Variants in ADGRE5 observed in about 807,000 individuals in gnomAD.
ADGRE5 encodes the protein adhesion G protein-coupled receptor E5.
ADGRE5 carries 72 observed loss-of-function variants against 100.3 expected under a neutral mutation model. That is an observed-to-expected ratio of 0.72 (90% CI 0.59 to 0.87). ADGRE5 has a LOEUF of 0.87. Among genes scored for constraint, ADGRE5 ranks in the 40% least tolerant of loss-of-function variants. ADGRE5 has a pLI of 0.00. For synonymous variants in ADGRE5, 439 were observed against 447.8 expected (o/e 0.98, Z 0.25); for missense variants, 959 against 1,094.7 (o/e 0.88, Z 1.75).
At chr19:14,391,672 G>GGCT (rs1163653799) in intron 4 of ADGRE5, among the ~76,000 whole-genome samples, 1 of 152,102 alleles carries the variant, frequency 6.6e-6, no homozygotes, top group African/African-American at 2.4e-5. Context: ...GGGAGGTCAA[G>GGCT]GCTGCAGTGA....
At chr19:14,403,967 C>A (rs1976115249) in intron 12 of ADGRE5, among the ~76,000 whole-genome samples, 1 of 150,564 alleles carries the variant, frequency 6.6e-6, no homozygotes, top group Admixed American at 6.7e-5. Context: ...ACCTCCACCT[C>A]CCAGGTTCAA....
intron 4 of ADGRE5, among the ~76,000 whole-genome samples, chr19:14,392,825 C>T (rs1413447217): frequency 4.6e-5 from 7 of 151,784 alleles, no homozygotes; most frequent in Non-Finnish European, 1.0e-4. Context: ...ATCGCTTGAA[C>T]CTGAAAGGCA....
rs149607954 is a variant in ADGRE5, at chr19:14,387,349, G to T, written c.23-1101G>T. ...TCCACCCTCAAGCCGAGCTCGGGAG[G>T]CTGAGGCGGGGAGGATCGCTTGAGG... On this transcript the variant is annotated intron_variant, in intron 1 of 19. Coordinates refer to ENST00000242786, the MANE Select transcript of ADGRE5 (RefSeq NM_078481.4). Among the ~76,000 whole-genome samples the T allele has an allele frequency of 7.4e-4, 113 of 152,236 alleles. 2 individuals carry two copies. Among genetic ancestry groups the T allele is most frequent in the African/African-American group, 2.6e-3 (110 of 41,528 alleles).
intron 9 of ADGRE5, among the ~76,000 whole-genome samples, chr19:14,400,955 CAA>C (rs201175207): frequency 1.1e-4 from 17 of 148,790 alleles, no homozygotes; most frequent in African/African-American, 4.2e-4. Flanking sequence ...CAAAACAAAA[CAA>C]AAAAAAAATT....
chr19:14,405,964 T>A (rs1162799782), intron 14 of ADGRE5, 25 bp downstream of exon 14: 3 of 1,588,400 alleles, frequency 1.9e-6, no homozygotes, highest in South Asian at 2.2e-5. Flanking sequence ...CGCTCCCTCC[T>A]GAGCTCTGGG....
intron 1 of ADGRE5, among the ~76,000 whole-genome samples, chr19:14,384,252 TG>T (rs1413816693): frequency 6.6e-6 from 1 of 151,060 alleles, no homozygotes; most frequent in African/African-American, 2.4e-5. Flanking sequence ...GAGGTGGGAG[TG>T]GGGATCTCTG....
chr19:14,408,544 A>C lies in ADGRE5; in HGVS notation c.*423A>C, dbSNP rs1976387269. ...TCCCTCTTAAGCTAAGACTGATGTC[A>C]GAGGCCCCATGGCGAGGCCCCTTGG... On this transcript the variant is annotated 3_prime_UTR_variant, in exon 20 of 20. Transcript: ENST00000242786. The C allele has an allele frequency of 7.0e-6, 3 of 430,692 alleles. No homozygotes were observed. The East Asian group carries it at 1.1e-4, about 16-fold the overall frequency. The allele number at this position is 430,692 out of a possible 1,614,324, so 26.7% of individuals were successfully genotyped here. A position where few individuals can be genotyped will look rare whatever the true frequency, so the allele number is the denominator to read the frequency against.
At chr19:14,392,520 A>G (rs1162541897) in intron 4 of ADGRE5, among the ~76,000 whole-genome samples, 2 of 152,156 alleles carry the variant, frequency 1.3e-5, no homozygotes, top group Non-Finnish European at 2.9e-5. Flanking sequence ...TTTGTTAAAT[A>G]TAGACCTTGG....
intron 1 of ADGRE5, among the ~76,000 whole-genome samples, chr19:14,385,814 A>G (rs1461687712): frequency 6.7e-6 from 1 of 148,682 alleles, no homozygotes; most frequent in African/African-American, 2.5e-5. Flanking sequence ...TCTGTCACTC[A>G]GGCTGGAGTG....
chr19:14,389,445 G>C, intron 3 of ADGRE5, among the ~76,000 whole-genome samples: 1 of 144,566 alleles, frequency 6.9e-6, no homozygotes, highest in Non-Finnish European at 1.5e-5. Context: ...GGGAGGGAGA[G>C]AGATAGGCCC....
Position 14,391,553 on chromosome 19 carries a change from A to C in ADGRE5, c.346+474A>C, listed in dbSNP as rs916552684. On this transcript the variant is annotated intron_variant, in intron 4 of 19. Coordinates refer to ENST00000242786, the MANE Select transcript of ADGRE5 (RefSeq NM_078481.4). ...AGCATGAGCAAGCGGGTGAAACCCC[A>C]TCTCTACAAAAAATACCAAAAAAAA... is the stretch of plus-strand genomic sequence containing the variant. The C allele has an allele frequency of 3.2e-5, 5 of 154,258 alleles. No individual in the cohort carries two copies. In the East Asian group the frequency reaches 7.6e-4, roughly 23 times the overall value. 9.6% of individuals were successfully genotyped at this position (154,258 alleles called of 1,614,324 possible).
rs1229705187 is a variant in ADGRE5, at chr19:14,406,322, G to A, written c.1822-9G>A. On this transcript the variant is annotated splice_polypyrimidine_tract_variant and intron_variant, in intron 14 of 19. Coordinates refer to ENST00000242786, the MANE Select transcript of ADGRE5 (RefSeq NM_078481.4). The surrounding 1 kb of genome is among the most constrained non-coding windows in gnomAD (Gnocchi z 6.0). ...GACGTCGCTCCGCCCCTCCGTCCCC[G>A]CCCCGCAGGTGGGGCTGCGCTGCCG... 1.9e-6 allele frequency: 3 copies of A among 1,547,932 alleles called. No individual in the cohort carries two copies. Among genetic ancestry groups the A allele is most frequent in the Non-Finnish European group, 2.6e-6 (3 of 1,149,120 alleles).
rs768043542 is a variant in ADGRE5, at chr19:14,408,276, C to T, written c.*155C>T. On this transcript the variant is annotated 3_prime_UTR_variant, in exon 20 of 20. Coordinates refer to ENST00000242786, the MANE Select transcript of ADGRE5 (RefSeq NM_078481.4). ...GGAGGGAGTGGCAGCTATAGTCTGG[C>T]ACCAAAGTCCAGGACACCCAGTGGG... 5.9e-4 allele frequency: 495 copies of T among 845,576 alleles called. 1 individual carries two copies. The highest frequency in any genetic ancestry group is 8.7e-4 in the Non-Finnish European group (457 of 523,562). 52.4% of individuals were successfully genotyped at this position (845,576 alleles called of 1,614,324 possible).
At position 14,405,915 on chromosome 19, in the gene ADGRE5, C is replaced by G. The variant is rs1392358536; in HGVS notation, c.1797C>G (p.Ala599=). Residue 599 remains alanine, a synonymous_variant, in exon 14 of 20, where the codon GCC becomes GCG. Coordinates refer to ENST00000242786, the MANE Select transcript of ADGRE5 (RefSeq NM_078481.4). ...TCGTGGGCTCCACCATCTTCCTGGC[C>G]GGCATCGAGAACGAAGGCGGCCAGG... is the stretch of plus-strand genomic sequence containing the variant. ...CLFVGSTIFL[A]GIENEGGQVG... 6.2e-7 allele frequency: 1 copy of G among 1,609,844 alleles called. No individual in the cohort carries two copies. Among genetic ancestry groups the G allele is most frequent in the Admixed American group, 1.7e-5 (1 of 59,998 alleles).
chr19:14,396,177 G>A (rs1975768110), intron 4 of ADGRE5, 165 bp from the exon 5 acceptor site: 1 of 1,273,762 alleles, frequency 7.9e-7, no homozygotes, highest in Non-Finnish European at 1.1e-6. Context: ...GACAACAGAA[G>A]GACTGAGCCA....
intron 1 of ADGRE5, among the ~76,000 whole-genome samples, chr19:14,385,613 T>C (rs769050914): frequency 8.6e-5 from 13 of 151,626 alleles, no homozygotes; most frequent in Non-Finnish European, 1.3e-4. Flanking sequence ...AGCGTCTTCC[T>C]GTGGGAGGGG....
At chr19:14,383,374 G>A (rs1441806527) in intron 1 of ADGRE5, among the ~76,000 whole-genome samples, 5 of 151,680 alleles carry the variant, frequency 3.3e-5, no homozygotes, top group East Asian at 1.9e-4. Context: ...GTGTGGTGGC[G>A]GGCGCCTGTA....
chr19:14,402,796 C>T lies in ADGRE5; in HGVS notation c.1383C>T (p.Pro461=). The part of the protein sequence containing the change: ...SHNNTKELNS[P]ILFAFSHLES... ...ACAACACCAAGGAACTCAACTCCCC[C>T]ATCCTTTTCGCCTTCTCCCACCTTG... The change falls in exon 12 of 20, where the codon CCC becomes CCT. Residue 461 remains proline (P), a synonymous_variant. Transcript: ENST00000242786. 3 of 1,614,098 alleles carry T rather than the reference C, an allele frequency of 1.9e-6. No individual in the cohort carries two copies. The South Asian group carries it at 3.3e-5, about 18-fold the overall frequency.
At position 14,405,897 on chromosome 19, in the gene ADGRE5, C is replaced by G; in HGVS notation, c.1779C>G (p.Gly593=). The change falls in exon 14 of 20, where the codon GGC becomes GGG. Residue 593 remains glycine, a synonymous_variant. Coordinates refer to ENST00000242786, the MANE Select transcript of ADGRE5 (RefSeq NM_078481.4). ...HLHLCICLFV[G]STIFLAGIEN... is the part of the protein sequence containing the mutation. ...ACCTCTGCATCTGCCTCTTCGTGGG[C>G]TCCACCATCTTCCTGGCCGGCATCG... is the stretch of plus-strand genomic sequence containing the variant. 7 of 1,611,438 alleles carry G rather than the reference C, an allele frequency of 4.3e-6. No homozygotes were observed. Among genetic ancestry groups the G allele is most frequent in the African/African-American group, 1.3e-5 (1 of 75,068 alleles).
Sources: gnomAD v4.1 joint callset for allele counts (sites outside exome capture counted in the v4.1 genomes callset) on GRCh38, gnomAD v4.1.1 for gene constraint, Gnocchi (gnomAD v3.1) non-coding constraint, MANE v1.5 for transcripts, NCBI Gene and HGNC (gene_info 2026-07-23, HGNC 2026-07-21) for gene names.